CHD2: variants seen among roughly 807,000 people sequenced by gnomAD.
The protein encoded by CHD2 is chromodomain helicase DNA binding protein 2.
CHD2 carries 28 observed loss-of-function variants against 243.9 expected under a neutral mutation model. The observed-to-expected ratio is 0.11, with a 90% CI of 0.09 to 0.16. CHD2 has a LOEUF of 0.16. CHD2 is among the 10% of genes least tolerant of loss of function. The pLI, the probability that CHD2 is intolerant of heterozygous loss-of-function variation, is 1.00. For synonymous variants in CHD2, 775 were observed against 779.0 expected (o/e 0.99, Z 0.09); for missense variants, 1,386 against 2,209.8 (o/e 0.63, Z 7.47).
rs115088179 is a variant in CHD2 at position 92,993,394 on chromosome 15, A to C, written c.3595+396A>C. On this transcript the variant is annotated intron_variant, in intron 28 of 38. Transcript: ENST00000394196. Reference sequence around the variant, plus strand: ...ATATTGTGCGTTATGGCAAACACAAAGGATTTAGAGAATTAATTGGAATAA... The same window carrying C: ...ATATTGTGCGTTATGGCAAACACAACGGATTTAGAGAATTAATTGGAATAA... 3.7e-3 allele frequency among the ~76,000 whole-genome samples: 566 copies of C among 152,346 alleles called. 6 individuals are homozygous for C. The highest frequency in any genetic ancestry group is 0.013 in the African/African-American group (531 of 41,578).
intron 31 of CHD2, among the ~76,000 whole-genome samples, chr15:93,000,228 T>C (rs934397624): frequency 3.3e-5 from 5 of 151,874 alleles, no homozygotes; most frequent in African/African-American, 4.8e-5. Flanking sequence ...ATGGCACCTC[T>C]ACACTCCAGC....
chr15:92,960,953 A>T (rs2141822095), intron 16 of CHD2, among the ~76,000 whole-genome samples: 1 of 152,070 alleles, frequency 6.6e-6, no homozygotes, highest in African/African-American at 2.4e-5. Context: ...CCTGGCCGTA[A>T]GTGATCTGCA....
At chr15:92,972,222 T>A (rs2053850729) in intron 18 of CHD2, 43 bp from the exon 19 acceptor site, 1 of 1,581,292 alleles carries the variant, frequency 6.3e-7, no homozygotes, top group Non-Finnish European at 8.6e-7. Context: ...AGATTAAAAT[T>A]TGTGTTTCAA....
At position 92,972,291 on chromosome 15, in the gene CHD2, G is replaced by T; in HGVS notation, c.2379G>T (p.Leu793Phe). Residue 793 changes from leucine (L) to phenylalanine (F), a missense_variant, in exon 19 of 39, where the codon TTG becomes TTT. This residue lies in a region of CHD2 where 118 missense variants were observed against 266.3 expected (regional missense o/e 0.44). Coordinates refer to ENST00000394196, the MANE Select transcript of CHD2 (RefSeq NM_001271.4). ...LLSLIRSSGK[L>F]ILLDKLLTRL... is the part of the protein sequence containing the mutation. ...CCCTCATAAGGAGCAGTGGGAAGTT[G>T]ATTTTATTAGACAAACTGTTGACAA... 1.2e-6 allele frequency: 2 copies of T among 1,611,464 alleles called. No individual in the cohort carries two copies. The highest frequency in any genetic ancestry group is 1.7e-6 in the Non-Finnish European group (2 of 1,179,246).
chr15:92,924,826 T>G (rs1192989313), intron 3 of CHD2, among the ~76,000 whole-genome samples: 1 of 152,046 alleles, frequency 6.6e-6, no homozygotes, highest in Non-Finnish European at 1.5e-5. Flanking sequence ...TGCAACAGAG[T>G]CTTGCTCTGT....
At chr15:93,006,112 G>GTCTC (rs1470318333) in intron 34 of CHD2, among the ~76,000 whole-genome samples, 1 of 146,396 alleles carries the variant, frequency 6.8e-6, no homozygotes, top group Non-Finnish European at 1.5e-5. Context: ...TGCTTTTTCT[G>GTCTC]TCTCTCTCTC....
At chr15:92,953,612 T>C (rs2053580713) in intron 14 of CHD2, 39 bp downstream of exon 14, 3 of 1,578,484 alleles carry the variant, frequency 1.9e-6, no homozygotes, top group South Asian at 1.1e-5. Context: ...ATCTGTGTTA[T>C]AAATGTAATT....
chr15:92,942,803 G>A lies in CHD2; in HGVS notation c.827-40G>A, dbSNP rs369256550. The A allele has an allele frequency of 4.7e-6, 7 of 1,495,224 alleles. No homozygotes were observed. In the African/African-American group the frequency reaches 7.0e-5, roughly 15 times the overall value. 92.6% of individuals were successfully genotyped at this position (1,495,224 alleles called of 1,614,324 possible). ...CTTGGGAAGCTTTTTAATATCTGGT[G>A]TAATATACTCTCTTTCAAGTGTACT... On this transcript the variant is annotated intron_variant, in intron 8 of 38. Transcript: ENST00000394196.
At position 93,025,833 on chromosome 15, in the gene CHD2, A is replaced by G. The variant is rs1596464467; in HGVS notation, c.*1128A>G. 6.6e-6 allele frequency: 1 copy of G among 151,842 alleles called. No individual in the cohort carries two copies. Among genetic ancestry groups the G allele is most frequent in the East Asian group, 1.9e-4 (1 of 5,188 alleles). The allele number at this position is 151,842 out of a possible 1,614,324, so 9.4% of individuals were successfully genotyped here. On this transcript the variant is annotated 3_prime_UTR_variant, in exon 39 of 39. Coordinates refer to ENST00000394196, the MANE Select transcript of CHD2 (RefSeq NM_001271.4). The stretch of plus-strand genomic sequence containing the variant: ...CCTTCCCTTTGCACAGCTTGAAGAA[A>G]TAGAGTAGACAGAATCACACATCAT...
chr15:92,956,088 T>G (rs1462112481), intron 15 of CHD2, among the ~76,000 whole-genome samples: 1 of 152,186 alleles, frequency 6.6e-6, no homozygotes, highest in Non-Finnish European at 1.5e-5. Context: ...GGTGTTTGTG[T>G]GCTTCAGGGT....
At chr15:92,959,787 C>T (rs904619105) in intron 16 of CHD2, among the ~76,000 whole-genome samples, 1 of 152,222 alleles carries the variant, frequency 6.6e-6, no homozygotes, top group Admixed American at 6.5e-5. Context: ...CCACTGCACC[C>T]GGCCTAGACT....
At chr15:92,944,298 A>C in intron 9 of CHD2, 117 bp from the exon 10 acceptor site, 1 of 534,906 alleles carries the variant, frequency 1.9e-6, no homozygotes, top group Admixed American at 3.0e-5. Flanking sequence ...AAGATTACTT[A>C]AGGGGCAGAT....
At position 92,985,687 on chromosome 15, in the gene CHD2, C is replaced by T; in HGVS notation, c.3413+14C>T. The T allele has an allele frequency of 2.5e-6, 4 of 1,602,622 alleles. No individual in the cohort carries two copies. Among genetic ancestry groups the T allele is most frequent in the Non-Finnish European group, 3.4e-6 (4 of 1,175,840 alleles). On this transcript the variant is annotated intron_variant, in intron 26 of 38. Coordinates refer to ENST00000394196, the MANE Select transcript of CHD2 (RefSeq NM_001271.4). ...AGAGATCCGAAGGTTGGTGGAGGCT[C>T]TGTTCTCACTGAGCTTGTTTGAAAG...
rs768407397 is a variant in CHD2 at position 92,956,642 on chromosome 15, C to T, written c.1993C>T (p.Pro665Ser). ...CTGGTCCTTGCTGCACTTTATTATG[C>T]CGGAGAAGTAAGCTCCTTCCTGTGT... ...ELWSLLHFIM[P>S]EKFEFWEDFE... Residue 665 changes from proline to serine, a missense_variant, in exon 16 of 39, where the codon CCG (proline) becomes TCG (serine). By Grantham distance (74) the Pro-to-Ser change is moderately conservative. Transcript: ENST00000394196. The T allele has an allele frequency of 8.7e-6, 14 of 1,607,030 alleles. No homozygotes were observed. The highest frequency in any genetic ancestry group is 1.2e-5 in the Non-Finnish European group (14 of 1,177,922).
At chr15:92,983,172 CT>C (rs1410992985) in intron 24 of CHD2, among the ~76,000 whole-genome samples, 2 of 152,144 alleles carry the variant, frequency 1.3e-5, no homozygotes, top group Non-Finnish European at 2.9e-5. Flanking sequence ...CATCCTATGA[CT>C]TTTGGGAAGA....
chr15:92,909,286 G>A (rs2052683812), intron 2 of CHD2, among the ~76,000 whole-genome samples: 2 of 152,116 alleles, frequency 1.3e-5, no homozygotes, highest in South Asian at 4.2e-4. Flanking sequence ...TATTTACTTG[G>A]AATGCAGTTA....
At chr15:92,977,039 A>G (rs536268006) in intron 20 of CHD2, among the ~76,000 whole-genome samples, 1 of 152,294 alleles carries the variant, frequency 6.6e-6, no homozygotes, top group South Asian at 2.1e-4. Context: ...GATGCAGACG[A>G]CATATTATAA....
chr15:92,944,525 T>A lies in CHD2; in HGVS notation c.1153+10T>A. The A allele has an allele frequency of 7.2e-7, 1 of 1,381,654 alleles. No homozygotes were observed. The highest frequency in any genetic ancestry group is 1.0e-6 in the Non-Finnish European group (1 of 991,850). 85.6% of individuals were successfully genotyped at this position (1,381,654 alleles called of 1,614,324 possible). A position where few individuals can be genotyped will look rare whatever the true frequency, so the allele number is the denominator to read the frequency against. On this transcript the variant is annotated intron_variant, in intron 10 of 38. Coordinates refer to ENST00000394196, the MANE Select transcript of CHD2 (RefSeq NM_001271.4). ...GTAGAAAGAGTAATAGGTAAGTACA[T>A]GGTAACTCACTTCAGCCATATTTGA...
At chr15:92,961,876 C>CTTTTTTTTTTTTTTTTT (rs3064790) in intron 16 of CHD2, among the ~76,000 whole-genome samples, 4 of 78,620 alleles carry the variant, frequency 5.1e-5, no homozygotes, top group African/African-American at 9.7e-5. Flanking sequence ...TTTTTCTTCT[C>CTTTTTTTTTTTTTTTTT]TTTTTTTTTT....
Sources: allele counts gnomAD v4.1 joint callset (sites outside exome capture counted in the v4.1 genomes callset), GRCh38; gene constraint gnomAD v4.1.1; regional missense constraint gnomAD v4.1.1; transcripts MANE v1.5; gene names NCBI Gene and HGNC (gene_info 2026-07-23, HGNC 2026-07-21).